MFSD12: variants seen among roughly 807,000 people sequenced by gnomAD.
The protein encoded by MFSD12 is major facilitator superfamily domain containing 12, also known as major facilitator superfamily domain-containing protein 12.
A neutral mutation model predicts 51.2 loss-of-function variants in MFSD12; 67 were observed. The ratio of observed to expected loss-of-function variants is 1.31; its 90% CI spans 1.08 to 1.60. The LOEUF is 1.60. MFSD12 is among the 40% of genes most tolerant of loss of function. The pLI, the probability that MFSD12 is intolerant of heterozygous loss-of-function variation, is 0.00. For synonymous variants in MFSD12, 441 were observed against 316.7 expected, an observed-to-expected ratio of 1.39 and a Z score of -4.17; for missense variants, 921 against 673.0, an observed-to-expected ratio of 1.37 and a Z score of -4.08.
chr19:3,545,659 G>A (rs1599823305), intron 8 of MFSD12, among the ~76,000 whole-genome samples: 1 of 152,204 alleles, frequency 6.6e-6, no homozygotes, highest in African/African-American at 2.4e-5. Flanking sequence ...TCACCTCTGT[G>A]ACTATTAACA....
chr19:3,550,592 G>T (rs1031101653), intron 2 of MFSD12, among the ~76,000 whole-genome samples: 2 of 152,040 alleles, frequency 1.3e-5, no homozygotes, highest in Admixed American at 6.6e-5. Flanking sequence ...GAGGTTTCAC[G>T]TGTTAGCGAG....
In MFSD12 at chr19:3,547,893, G is replaced by C. The variant is rs765857171; in HGVS notation, c.792C>G (p.Pro264=). The change falls in exon 4 of 10, where the codon CCC becomes CCG. Residue 264 remains proline, a synonymous_variant. Coordinates refer to ENST00000355415, the MANE Select transcript of MFSD12 (RefSeq NM_174983.5). ...TPLLAPATAQ[P]LLLWKHWLRE... is the part of the protein sequence containing the mutation. ...GGAGCCAGTGCTTCCAGAGCAGCAG[G>C]GGCTGGGCCGTGGCAGGGGCCAACA... The C allele has an allele frequency of 1.3e-6, 2 of 1,561,782 alleles. No homozygotes were observed. Among genetic ancestry groups the C allele is most frequent in the Admixed American group, 2.2e-5 (1 of 45,480 alleles).
downstream of MFSD12, among the ~76,000 whole-genome samples, chr19:3,540,508 G>A (rs1193476248): frequency 1.3e-5 from 2 of 150,988 alleles, no homozygotes; most frequent in African/African-American, 2.4e-5. Context: ...TGCCCTCCTT[G>A]GCCTCCCAAA....
downstream of MFSD12, chr19:3,543,658 G>T (rs1384657785): frequency 1.9e-6 from 3 of 1,541,790 alleles, no homozygotes; most frequent in East Asian, 4.9e-5. Flanking sequence ...GGAAAGACAG[G>T]CCAATCCGGG....
At position 3,547,338 on chromosome 19, in the gene MFSD12, C is replaced by T; in HGVS notation, c.957G>A (p.Val319=). 6.2e-7 allele frequency: 1 copy of T among 1,613,336 alleles called. No individual in the cohort carries two copies. Among genetic ancestry groups the T allele is most frequent in the South Asian group, 1.1e-5 (1 of 91,076 alleles). Reference sequence around the variant, plus strand: ...AGGACAAGAAGCCGCTGAGGTACATCACCAGGGGAATGGTCGCGATGAACT... The same window carrying T: ...AGGACAAGAAGCCGCTGAGGTACATTACCAGGGGAATGGTCGCGATGAACT... ...PKKFIATIPL[V]MYLSGFLSSF... The change falls in exon 6 of 10, where the codon GTG becomes GTA. Residue 319 remains valine (V), a synonymous_variant. Transcript: ENST00000355415.
In MFSD12 at chr19:3,539,071, GGGA is replaced by G. The variant is rs2030132110; in HGVS notation, c.*6-318_*6-316del. ...CTCGAGGCCACCTCACCCCGCAGCT[GGGA>G]GGAGGGAGTGGTCAGCGTGGTTGCC... On this transcript the variant is annotated intron_variant, in intron 4 of 4. Transcript: ENST00000398558. 1.1e-5 allele frequency: 8 copies of G among 702,068 alleles called. No homozygotes were observed. The South Asian group carries it at 1.2e-4, about 10-fold the overall frequency. 43.5% of individuals were successfully genotyped at this position (702,068 alleles called of 1,614,324 possible).
intron 1 of MFSD12, among the ~76,000 whole-genome samples, chr19:3,552,207 G>C (rs1453643569): frequency 6.7e-6 from 1 of 149,456 alleles, no homozygotes. Context: ...TTGCTCTGTC[G>C]CCCAGGCTGG....
chr19:3,543,605 G>C (rs1568250520), downstream of MFSD12: 1 of 1,544,380 alleles, frequency 6.5e-7, no homozygotes, highest in Non-Finnish European at 8.7e-7. Flanking sequence ...CATCGTCCCT[G>C]CCCAGTACCA....
downstream of MFSD12, chr19:3,543,517 G>A (rs776577142): frequency 4.6e-6 from 7 of 1,521,038 alleles, no homozygotes; most frequent in African/African-American, 7.1e-5. Flanking sequence ...CCTGCCAGAG[G>A]GGGACAGGAA....
chr19:3,538,732 T>TGAGCCACTGC (rs1247364798), exon 5 of MFSD12: 1 of 480,098 alleles, frequency 2.1e-6, no homozygotes, highest in African/African-American at 2.0e-5. Context: ...CGTGCTGCTG[T>TGAGCCACTGC]GAGCCACTGC....
chr19:3,544,451 G>C lies in MFSD12; in HGVS notation c.*259C>G, dbSNP rs1410841449. ...CCTACTTCCTGTTCCCTGCCGAGAG[G>C]GGCACCCCAAATCCTCCAGAGGGCT... is the stretch of plus-strand genomic sequence containing the variant. On this transcript the variant is annotated 3_prime_UTR_variant, in exon 10 of 10. Transcript: ENST00000355415. 4 of 1,343,344 alleles carry C rather than the reference G, an allele frequency of 3.0e-6. No individual in the cohort carries two copies. Among genetic ancestry groups the C allele is most frequent in the South Asian group, 4.3e-5 (2 of 46,192 alleles). 83.2% of individuals were successfully genotyped at this position (1,343,344 alleles called of 1,614,324 possible).
Position 3,544,580 on chromosome 19 carries a change from G to T in MFSD12, c.*130C>A, listed in dbSNP as rs181719259. 3,043 of 1,465,394 alleles carry T rather than the reference G, an allele frequency of 2.1e-3. 1 individual carries two copies. The highest frequency in any genetic ancestry group is 4.3e-3 in the Admixed American group (174 of 40,116). The allele number at this position is 1,465,394 out of a possible 1,614,324, so 90.8% of individuals were successfully genotyped here. ...CCCTCACCCGACCCCACCCCCGGGAGCTGGGTGAGGATGGAGGGTGGGGGT... is the reference window on the plus strand; with the variant it reads ...CCCTCACCCGACCCCACCCCCGGGATCTGGGTGAGGATGGAGGGTGGGGGT... On this transcript the variant is annotated 3_prime_UTR_variant, in exon 10 of 10. Coordinates refer to ENST00000355415, the MANE Select transcript of MFSD12 (RefSeq NM_174983.5).
At chr19:3,540,906 C>G (rs1347646977), downstream of MFSD12, among the ~76,000 whole-genome samples, 11 of 146,632 alleles carry the variant, frequency 7.5e-5, no homozygotes, top group Non-Finnish European at 3.1e-5. Flanking sequence ...CGCAGTGGCT[C>G]ACGCCTGTAA....
At chr19:3,554,340 C>A (rs146939240) in intron 1 of MFSD12, among the ~76,000 whole-genome samples, 1 of 150,990 alleles carries the variant, frequency 6.6e-6, no homozygotes, top group Non-Finnish European at 1.5e-5. Context: ...AGGAGGCTGA[C>A]GCACGAGAAT....
chr19:3,551,036 T>C lies in MFSD12; in HGVS notation c.457A>G (p.Ile153Val). The change falls in exon 2 of 10, where the codon ATC becomes GTC. Residue 153 changes from isoleucine to valine, a missense_variant. Physicochemically the swap from Ile to Val is conservative, Grantham distance 29. Transcript: ENST00000355415. The surrounding 1 kb of genome is among the most constrained non-coding windows in gnomAD (Gnocchi z 4.6). ...ASTQISHLSL[I>V]PELVTNDHEK... ...TGGTCGTTGGTGACGAGCTCCGGGA[T>C]GAGGCTGAGGTGGGAGATCTGTGTG... 6.2e-7 allele frequency: 1 copy of C among 1,612,760 alleles called. No homozygotes were observed. The highest frequency in any genetic ancestry group is 8.5e-7 in the Non-Finnish European group (1 of 1,179,962).
chr19:3,543,750 G>A (rs566563334), downstream of MFSD12: 6 of 1,491,486 alleles, frequency 4.0e-6, no homozygotes, highest in Non-Finnish European at 5.4e-6. Context: ...GGGTGAAACT[G>A]CCCGGGGCGA....
In MFSD12 at chr19:3,547,950, C is replaced by T. The variant is rs376196690; in HGVS notation, c.735G>A (p.Pro245=). ...FHLGTRERRR[P]HAEEPGEHTP... ...TGTGCTCGCCTGGCTCCTCCGCATG[C>T]GGCCGGCGCCTCTCCCGGGTGCCCA... The change falls in exon 4 of 10, where the codon CCG becomes CCA. Residue 245 remains proline (P), a synonymous_variant. Coordinates refer to ENST00000355415, the MANE Select transcript of MFSD12 (RefSeq NM_174983.5). The T allele has an allele frequency of 3.8e-5, 60 of 1,593,504 alleles. No homozygotes were observed. Among genetic ancestry groups the T allele is most frequent in the East Asian group, 1.8e-4 (8 of 44,744 alleles).
chr19:3,539,802 C>A (rs2122066997), downstream of MFSD12: 1 of 154,598 alleles, frequency 6.5e-6, no homozygotes, highest in Non-Finnish European at 1.4e-5. Flanking sequence ...CCAAACAAGG[C>A]CATGTCCTGA....
At chr19:3,547,646 G>A (rs1599829694) in intron 4 of MFSD12, 99 bp from the exon 5 acceptor site, 2 of 1,249,878 alleles carry the variant, frequency 1.6e-6, no homozygotes, top group South Asian at 1.4e-5. Context: ...CCCTGCAGCT[G>A]GCATTTGATC....
Sources: gnomAD v4.1 joint callset for allele counts (sites outside exome capture counted in the v4.1 genomes callset) on GRCh38, gnomAD v4.1.1 for gene constraint, Gnocchi (gnomAD v3.1) non-coding constraint, MANE v1.5 for transcripts, NCBI Gene and HGNC (gene_info 2026-07-23, HGNC 2026-07-21) for gene names.